ASH2L: variants seen among roughly 807,000 people sequenced by gnomAD.
ASH2L encodes set1/Ash2 histone methyltransferase complex subunit ASH2.
ASH2L carries 30 observed loss-of-function variants against 81.1 expected under a neutral mutation model. The observed-to-expected ratio is 0.37, with a 90% CI of 0.28 to 0.50. The LOEUF (loss-of-function observed/expected upper bound fraction) is 0.50, where lower values mean the gene tolerates loss of function less well. Among genes scored for constraint, ASH2L ranks in the 20% least tolerant of loss-of-function variants. ASH2L has a pLI of 0.95. For missense variants in ASH2L, 559 were observed against 792.1 expected (o/e 0.71, Z 3.53); for synonymous variants, 273 against 279.9 (o/e 0.98, Z 0.24).
intron 3 of ASH2L, among the ~76,000 whole-genome samples, chr8:38,108,643 C>T (rs1810553425): frequency 6.6e-6 from 1 of 151,574 alleles, no homozygotes; most frequent in Admixed American, 6.6e-5. Context: ...CATGGTGAAA[C>T]CCCGTCACCA....
intron 2 of ASH2L, 55 bp from the exon 3 acceptor site, chr8:38,106,966 T>A (rs573302205): frequency 1.2e-6 from 2 of 1,601,212 alleles, no homozygotes; most frequent in African/African-American, 2.7e-5. Context: ...AAAAATAAAA[T>A]AAAGTAAAAT....
intron 5 of ASH2L, among the ~76,000 whole-genome samples, chr8:38,111,725 T>G (rs1810689987): frequency 6.6e-6 from 1 of 152,174 alleles, no homozygotes; most frequent in African/African-American, 2.4e-5. Context: ...TTTGCTACAT[T>G]TGTTTTATGT....
intron 11 of ASH2L, 146 bp from the exon 12 acceptor site, chr8:38,128,612 T>C (rs897596133): frequency 5.0e-5 from 73 of 1,456,574 alleles, no homozygotes; most frequent in Non-Finnish European, 6.0e-5. Flanking sequence ...CGGGATATTT[T>C]TGTAATTCTT....
chr8:38,111,944 A>G (rs1810698963), intron 5 of ASH2L, among the ~76,000 whole-genome samples: 1 of 152,158 alleles, frequency 6.6e-6, no homozygotes. Flanking sequence ...TTCTCCATCC[A>G]GGATCTGGTC....
intron 3 of ASH2L, 44 bp from the exon 4 acceptor site, chr8:38,110,335 G>C: frequency 7.1e-7 from 1 of 1,412,720 alleles, no homozygotes; most frequent in Non-Finnish European, 1.0e-6. Context: ...AGAAGTGTGT[G>C]TGTTCACAAG....
chr8:38,107,257 A>C (rs886371335), intron 3 of ASH2L, 91 bp downstream of exon 3: 1 of 1,521,464 alleles, frequency 6.6e-7, no homozygotes, highest in Non-Finnish European at 9.1e-7. Flanking sequence ...ATAAATGCAA[A>C]GTATTTCCTA....
rs745587917 is a variant in ASH2L at position 38,128,772 on chromosome 8, C to T, written c.1348C>T (p.Pro450Ser). 2 of 1,613,728 alleles carry T rather than the reference C, an allele frequency of 1.2e-6. No homozygotes were observed. The highest frequency in any genetic ancestry group is 1.7e-6 in the Non-Finnish European group (2 of 1,179,970). The change falls in exon 12 of 16, where the codon CCT becomes TCT. Residue 450 changes from proline (P) to serine (S), a missense_variant. Physicochemically the swap from Pro to Ser is moderately conservative, Grantham distance 74. This residue lies in a region of ASH2L where 318 missense variants were observed against 527.0 expected (regional missense o/e 0.60). Transcript: ENST00000343823. ...WSQPLGNLQA[P>S]LGYDKFSYSW... ...TATTGGGACAGGAAACCTTCAAGCT[C>T]CTTTAGGTTATGATAAATTTAGCTA...
chr8:38,128,939 A>T lies in ASH2L; in HGVS notation c.1515A>T (p.Thr505=), dbSNP rs566284605. Residue 505 remains threonine (T), a synonymous_variant, in exon 12 of 16, where the codon ACA becomes ACT. Coordinates refer to ENST00000343823, the MANE Select transcript of ASH2L (RefSeq NM_004674.5). ...AGACAGCCAAGTCATTGCCAGACAC[A>T]TACAAAGATAAGGTGAGTTTGTCCT... ...DTETAKSLPD[T]YKDKALIKFK... The T allele has an allele frequency of 1.9e-6, 3 of 1,612,740 alleles. No homozygotes were observed. In the South Asian group the frequency reaches 3.3e-5, roughly 18 times the overall value.
chr8:38,136,103 T>TA (rs1491114196), intron 14 of ASH2L, among the ~76,000 whole-genome samples: 1 of 96,272 alleles, frequency 1.0e-5, no homozygotes, highest in Non-Finnish European at 1.9e-5. Context: ...CTTACAATGA[T>TA]TTTTTTTTTT....
chr8:38,137,816 G>A (rs951460702), intron 14 of ASH2L: 3 of 151,702 alleles, frequency 2.0e-5, no homozygotes, highest in African/African-American at 7.3e-5. Flanking sequence ...AAAAAAAAAG[G>A]AAATCTTTAA....
chr8:38,121,333 T>TTATA (rs71216649), intron 10 of ASH2L, among the ~76,000 whole-genome samples, 184 bp downstream of exon 10: 13 of 59,634 alleles, frequency 2.2e-4, no homozygotes, highest in South Asian at 7.4e-4. Context: ...GCCGTTTTAT[T>TTATA]TATATATATA....
Position 38,110,770 on chromosome 8 carries a change from C to T in ASH2L, c.522C>T (p.Ala174=). The T allele has an allele frequency of 6.2e-7, 1 of 1,613,940 alleles. No individual in the cohort carries two copies. The highest frequency in any genetic ancestry group is 8.5e-7 in the Non-Finnish European group (1 of 1,179,972). ...AGGAAATGTGCCTTAGTGCTTTGGC[C>T]AACCTGACATGGCAGTCCCGAACAC... ...NLKEMCLSAL[A]NLTWQSRTQD... is the part of the protein sequence containing the mutation. Residue 174 remains alanine, a synonymous_variant, in exon 5 of 16, where the codon GCC becomes GCT. Transcript: ENST00000343823.
chr8:38,128,133 C>A (rs1359929559), intron 10 of ASH2L, among the ~76,000 whole-genome samples, 158 bp from the exon 11 acceptor site: 1 of 152,142 alleles, frequency 6.6e-6, no homozygotes, highest in African/African-American at 2.4e-5. Flanking sequence ...TTGCCAGTAT[C>A]TTATGCTGAG....
intron 12 of ASH2L, 152 bp downstream of exon 12, chr8:38,129,103 T>G: frequency 8.2e-7 from 1 of 1,221,936 alleles, no homozygotes; most frequent in Non-Finnish European, 1.1e-6. Context: ...ACAGTAACAA[T>G]CGGTGCACAA....
At chr8:38,114,790 T>C in intron 6 of ASH2L, 115 bp from the exon 7 acceptor site, 1 of 659,166 alleles carries the variant, frequency 1.5e-6, no homozygotes, top group South Asian at 2.1e-5. Flanking sequence ...AAAACGATAC[T>C]ATCTTTTTTG....
chr8:38,128,188 T>C (rs904889692), intron 10 of ASH2L, 103 bp from the exon 11 acceptor site: 7 of 1,368,250 alleles, frequency 5.1e-6, no homozygotes, highest in Non-Finnish European at 7.1e-6. Flanking sequence ...TGACCTGATA[T>C]TTGTGATTTT....
intron 12 of ASH2L, among the ~76,000 whole-genome samples, chr8:38,130,013 G>A (rs1397788586): frequency 6.6e-6 from 1 of 152,096 alleles, no homozygotes; most frequent in Admixed American, 6.6e-5. Flanking sequence ...CCATATATGA[G>A]GGTTTTAGTT....
At chr8:38,111,262 C>T (rs1810668578) in intron 5 of ASH2L, among the ~76,000 whole-genome samples, 1 of 151,996 alleles carries the variant, frequency 6.6e-6, no homozygotes, top group Non-Finnish European at 1.5e-5. Context: ...GGGTCTCTGT[C>T]ACCCAGGCTG....
chr8:38,107,647 A>G (rs555651253), intron 3 of ASH2L, among the ~76,000 whole-genome samples: 2 of 152,100 alleles, frequency 1.3e-5, no homozygotes, highest in South Asian at 4.1e-4. Context: ...CCTATTTCCA[A>G]TCATGTACCT....
Sources: gnomAD v4.1 joint callset for allele counts (sites outside exome capture counted in the v4.1 genomes callset) on GRCh38, gnomAD v4.1.1 for gene constraint, gnomAD v4.1.1 regional missense constraint, MANE v1.5 for transcripts, NCBI Gene and HGNC (gene_info 2026-07-23, HGNC 2026-07-21) for gene names.